The following GPRC5C variants were observed in gnomAD, a reference collection of about 807,000 sequenced individuals.
GPRC5C encodes the protein G protein-coupled receptor family C group 5 member C.
A neutral mutation model predicts 31.4 loss-of-function variants in GPRC5C; 22 were observed. That is an observed-to-expected ratio of 0.70 (90% CI 0.50 to 1.00). The LOEUF (loss-of-function observed/expected upper bound fraction) is 1.00. GPRC5C is among the 50% of genes least tolerant of loss of function. The probability of loss-of-function intolerance (pLI) is 0.00; values close to 1 mark genes in which losing one functional copy is unlikely to be tolerated. For missense variants in GPRC5C, 557 were observed against 597.2 expected (o/e 0.93, Z 0.70); for synonymous variants, 249 against 257.5 (o/e 0.97, Z 0.32).
Position 74,440,380 on chromosome 17 carries a change from T to G in GPRC5C, c.604T>G (p.Cys202Gly). Residue 202 changes from cysteine (C) to glycine (G), a missense_variant, in exon 2 of 4, where the codon TGT becomes GGT. Physicochemically the swap from Cys to Gly is radical, Grantham distance 159. Coordinates refer to ENST00000392627, the MANE Select transcript of GPRC5C (RefSeq NM_022036.4). This position sits in a 1 kb window ranked among gnomAD's most constrained non-coding sequence, Gnocchi z 4.4. The stretch of plus-strand genomic sequence containing the variant: ...CGCAGGCTGGGCCGTGGCCTCCCCC[T>G]GTGCCATCGCCAACATGGACTTTGT... ...SSAGWAVASP[C>G]AIANMDFVMA... The G allele has an allele frequency of 1.2e-6, 2 of 1,614,090 alleles. No homozygotes were observed. The highest frequency in any genetic ancestry group is 3.3e-4 in the Middle Eastern group (2 of 6,062).
At chr17:74,446,806 G>T (rs1344332405) in intron 3 of GPRC5C, 43 bp from the exon 4 acceptor site, 1 of 1,496,204 alleles carries the variant, frequency 6.7e-7, no homozygotes, top group East Asian at 2.3e-5. Context: ...GCGGAACCTG[G>T]CTCCCAATCC....
Position 74,440,224 on chromosome 17 carries a change from G to A in GPRC5C, c.448G>A (p.Gly150Arg), listed in dbSNP as rs1244006174. ...CAACTTCCTGGCCCGGAAGAACCAC[G>A]GGCCCCGGGGCTGGGTGATCTTCAC... ...ALNFLARKNHGPRGWVIFTVA... is the reference protein window; with the variant it reads ...ALNFLARKNHRPRGWVIFTVA... Residue 150 changes from glycine to arginine, a missense_variant, in exon 2 of 4, where the codon GGG becomes AGG. Transcript: ENST00000392627. This position sits in a 1 kb window ranked among gnomAD's most constrained non-coding sequence, Gnocchi z 4.4. The A allele has an allele frequency of 1.2e-5, 20 of 1,614,020 alleles. No individual in the cohort carries two copies. Among genetic ancestry groups the A allele is most frequent in the South Asian group, 2.2e-5 (2 of 91,080 alleles).
At chr17:74,448,388 T>A (rs1216033073), downstream of GPRC5C, among the ~76,000 whole-genome samples, 1 of 152,188 alleles carries the variant, frequency 6.6e-6, no homozygotes, top group Admixed American at 6.5e-5. Flanking sequence ...TAATTTAATT[T>A]TTTTTTTGAG....
intron 3 of GPRC5C, chr17:74,445,982 G>GA (rs2055621549): frequency 5.4e-4 from 7 of 12,972 alleles, no homozygotes; most frequent in Non-Finnish European, 1.2e-3. Flanking sequence ...AACGTAGTGA[G>GA]ACCCCCCCCC....
intron 1 of GPRC5C, among the ~76,000 whole-genome samples, chr17:74,438,697 C>A (rs2055480435): frequency 6.6e-6 from 1 of 152,204 alleles, no homozygotes; most frequent in African/African-American, 2.4e-5. Context: ...CCGTGCCCAG[C>A]AGCATTTAAA....
intron 1 of GPRC5C, chr17:74,432,565 G>A: frequency 2.0e-6 from 2 of 976,772 alleles, no homozygotes; most frequent in Non-Finnish European, 2.4e-6. Context: ...CGGAAGAGTC[G>A]GGTCGGGACG....
Position 74,443,825 on chromosome 17 carries a change from G to T in GPRC5C, c.1059G>T (p.Arg353Ser), listed in dbSNP as rs1323631646. 6.2e-7 allele frequency: 1 copy of T among 1,610,450 alleles called. No individual in the cohort carries two copies. ...FSMDEPVAAK[R>S]PVSPYSGYNG... ...TCCTGCTTTTCCTTGTAGCTAAGAGGCCGGTGTCACCATACAGCGGGTACA... is the reference window on the plus strand; with the variant it reads ...TCCTGCTTTTCCTTGTAGCTAAGAGTCCGGTGTCACCATACAGCGGGTACA... The change falls in exon 3 of 4, where the codon AGG becomes AGT. Residue 353 changes from arginine to serine, a missense_variant. By Grantham distance (110) the Arg-to-Ser change is moderately radical (BLOSUM62 -1). Coordinates refer to ENST00000392627, the MANE Select transcript of GPRC5C (RefSeq NM_022036.4).
intron 1 of GPRC5C, among the ~76,000 whole-genome samples, chr17:74,437,776 A>C (rs2055455290): frequency 6.6e-6 from 1 of 152,092 alleles, no homozygotes; most frequent in Non-Finnish European, 1.5e-5. Context: ...ACAACCTCAC[A>C]ATCCCCCTAA....
chr17:74,437,155 G>A (rs1340123454), intron 1 of GPRC5C, among the ~76,000 whole-genome samples: 1 of 152,234 alleles, frequency 6.6e-6, no homozygotes, highest in East Asian at 1.9e-4. Context: ...TGTTGGTCAG[G>A]CTGGTCTGGA....
chr17:74,442,358 C>G (rs2055554884), intron 2 of GPRC5C, among the ~76,000 whole-genome samples: 1 of 152,168 alleles, frequency 6.6e-6, no homozygotes, highest in African/African-American at 2.4e-5. Context: ...TCAGCAGCGC[C>G]CTTGTTAGCT....
chr17:74,444,022 A>C (rs1483020230), intron 3 of GPRC5C, 110 bp downstream of exon 3: 1 of 731,150 alleles, frequency 1.4e-6, no homozygotes, highest in Non-Finnish European at 2.4e-6. Context: ...GGAGGTGGTA[A>C]GGGGAAGGCA....
At chr17:74,433,808 G>T in intron 1 of GPRC5C, 1 of 1,347,968 alleles carries the variant, frequency 7.4e-7, no homozygotes, top group Non-Finnish European at 1.1e-6. Context: ...TCTCTTTCCA[G>T]TGCGGTATCC....
Position 74,440,848 on chromosome 17 carries a change from C to G in GPRC5C, c.1051+21C>G. On this transcript the variant is annotated intron_variant, in intron 2 of 3. Coordinates refer to ENST00000392627, the MANE Select transcript of GPRC5C (RefSeq NM_022036.4). This position sits in a 1 kb window ranked among gnomAD's most constrained non-coding sequence, Gnocchi z 4.4. ...TGCAGGTGGGTCTCTGTGGATGCCCCCAGTGGCCCCTTTCTCCATCCCATG... is the reference window on the plus strand; with the variant it reads ...TGCAGGTGGGTCTCTGTGGATGCCCGCAGTGGCCCCTTTCTCCATCCCATG... 10 of 1,447,962 alleles carry G rather than the reference C, an allele frequency of 6.9e-6. No homozygotes were observed. Among genetic ancestry groups the G allele is most frequent in the Non-Finnish European group, 9.1e-6 (10 of 1,094,016 alleles). 89.7% of individuals were successfully genotyped at this position (1,447,962 alleles called of 1,614,324 possible).
intron 1 of GPRC5C, among the ~76,000 whole-genome samples, chr17:74,435,694 G>C (rs1310323409): frequency 6.6e-6 from 1 of 152,214 alleles, no homozygotes; most frequent in East Asian, 1.9e-4. Context: ...GGGGGCTTAG[G>C]GACAGAGAGC....
Position 74,440,929 on chromosome 17 carries a change from GT to G in GPRC5C, c.1051+106del, listed in dbSNP as rs1419076203. ...TTGAGCAAAATGGAAAGTTTTTGAG[GT>G]TTTCTGTAGTTTTCTGCCTAAGTGT... On this transcript the variant is annotated intron_variant, in intron 2 of 3. Transcript: ENST00000392627. This position sits in a 1 kb window ranked among gnomAD's most constrained non-coding sequence, Gnocchi z 4.4. 1.2e-5 allele frequency: 11 copies of G among 950,418 alleles called. No homozygotes were observed. Among genetic ancestry groups the G allele is most frequent in the African/African-American group, 1.7e-5 (1 of 59,440 alleles). The allele number at this position is 950,418 out of a possible 1,614,324, so 58.9% of individuals were successfully genotyped here.
chr17:74,442,833 CG>C (rs1173040233), intron 2 of GPRC5C, among the ~76,000 whole-genome samples: 6 of 152,150 alleles, frequency 3.9e-5, no homozygotes, highest in Non-Finnish European at 8.8e-5. Flanking sequence ...GTGTGCATGG[CG>C]GGGGTGGAAT....
At chr17:74,448,872 T>A (rs2055680883), downstream of GPRC5C, 1 of 1,289,842 alleles carries the variant, frequency 7.8e-7, no homozygotes, top group Non-Finnish European at 1.0e-6. Flanking sequence ...CAGGTTTTCC[T>A]AAGACTCTGA....
Position 74,437,109 on chromosome 17 carries a change from A to G in GPRC5C, c.-32-2636A>G, listed in dbSNP as rs561518668. On this transcript the variant is annotated intron_variant, in intron 1 of 3. Transcript: ENST00000392627. The stretch of plus-strand genomic sequence containing the variant: ...CAGGCGCACGCCACCACACCTGGCT[A>G]ATTTTTGTATTTTTAGTAGAGACGT... 3.3e-4 allele frequency among the ~76,000 whole-genome samples: 50 copies of G among 152,054 alleles called. 1 individual carries two copies. In the South Asian group the frequency reaches 0.01, roughly 31 times the overall value.
rs776263347 is a variant in GPRC5C, at chr17:74,440,425, A to ATGC, written c.661_663dup (p.Leu221dup). 1.2e-6 allele frequency: 2 copies of ATGC among 1,613,582 alleles called. No individual in the cohort carries two copies. Among genetic ancestry groups the ATGC allele is most frequent in the Non-Finnish European group, 8.5e-7 (1 of 1,179,736 alleles). ...CTTTGTCATGGCACTCATCTACGTC[A>ATGC]TGCTGCTGCTGCTGGGTGCCTTCCT... On this transcript the variant is annotated inframe_insertion, in exon 2 of 4. Transcript: ENST00000392627. This position sits in a 1 kb window ranked among gnomAD's most constrained non-coding sequence, Gnocchi z 4.4.
Sources: gnomAD v4.1 joint callset for allele counts (sites outside exome capture counted in the v4.1 genomes callset) on GRCh38, gnomAD v4.1.1 for gene constraint, Gnocchi (gnomAD v3.1) non-coding constraint, MANE v1.5 for transcripts, NCBI Gene and HGNC (gene_info 2026-07-23, HGNC 2026-07-21) for gene names.